The following ABCD3 variants were observed in gnomAD, a reference collection of about 807,000 sequenced individuals.
The protein encoded by ABCD3 is ATP binding cassette subfamily D member 3.
A neutral mutation model predicts 105.5 loss-of-function variants in ABCD3; 41 were observed. The ratio of observed to expected loss-of-function variants is 0.39; its 90% CI spans 0.30 to 0.50. ABCD3 has a LOEUF of 0.50. Ranked by LOEUF, ABCD3 falls within the 20% of genes least tolerant of loss-of-function variation. ABCD3 has a pLI of 0.84. For missense variants in ABCD3, 622 were observed against 806.3 expected, an observed-to-expected ratio of 0.77 and a Z score of 2.77; for synonymous variants, 258 against 269.0, an observed-to-expected ratio of 0.96 and a Z score of 0.40.
At chr1:94,484,308 A>C (rs1006334787) in intron 10 of ABCD3, among the ~76,000 whole-genome samples, 5 of 152,170 alleles carry the variant, frequency 3.3e-5, no homozygotes, top group African/African-American at 9.6e-5. Context: ...AAAGGATTAT[A>C]ATCATGCTGC....
chr1:94,472,729 G>T (rs890844165), intron 4 of ABCD3, among the ~76,000 whole-genome samples: 1 of 152,138 alleles, frequency 6.6e-6, no homozygotes, highest in African/African-American at 2.4e-5. Context: ...TCACAGAAAA[G>T]AAATTATTTC....
At chr1:94,499,650 A>T in intron 20 of ABCD3, 36 bp downstream of exon 20, 1 of 1,611,726 alleles carries the variant, frequency 6.2e-7, no homozygotes, top group East Asian at 2.2e-5. Context: ...CAAGAATGCA[A>T]CTGGTTCCAG....
intron 21 of ABCD3, among the ~76,000 whole-genome samples, chr1:94,509,759 T>G (rs1650568016): frequency 6.6e-6 from 1 of 152,244 alleles, no homozygotes; most frequent in Non-Finnish European, 1.5e-5. Flanking sequence ...CTTCTAGATT[T>G]TCTAGTTTAT....
rs570726520 is a variant in ABCD3 at position 94,491,122 on chromosome 1, T to C, written c.1323-62T>C. On this transcript the variant is annotated intron_variant, in intron 15 of 22. Transcript: ENST00000370214. ...ATCAGGTTATTTGTATTTTTGGTATTGAGTTGTATTAGTTCCTTATATACT... is the reference window on the plus strand; with the variant it reads ...ATCAGGTTATTTGTATTTTTGGTATCGAGTTGTATTAGTTCCTTATATACT... The C allele has an allele frequency of 1.2e-4, 141 of 1,152,194 alleles. No individual in the cohort carries two copies. In the African/African-American group the frequency reaches 1.8e-3, roughly 15 times the overall value. 71.4% of individuals were successfully genotyped at this position (1,152,194 alleles called of 1,614,324 possible).
Position 94,487,690 on chromosome 1 carries a change from T to G in ABCD3, c.968-4T>G. On this transcript the variant is annotated splice_region_variant and splice_polypyrimidine_tract_variant and intron_variant, in intron 11 of 22. Transcript: ENST00000370214. ...TGTTTTAAATCTTACCTGTTTGGTTTCAGACCTTGCCACTGTTGTTGGTTA... is the reference window on the plus strand; with the variant it reads ...TGTTTTAAATCTTACCTGTTTGGTTGCAGACCTTGCCACTGTTGTTGGTTA... 1.2e-6 allele frequency: 2 copies of G among 1,614,040 alleles called. No individual in the cohort carries two copies. The highest frequency in any genetic ancestry group is 1.7e-6 in the Non-Finnish European group (2 of 1,179,932).
rs748607664 is a variant in ABCD3 at position 94,506,638 on chromosome 1, G to A, written c.1841G>A (p.Arg614Gln). ...GAAGGCTACATTTATAGTCATTGTC[G>A]AAAGGTAAGTACGCAGGTGCTCAGT... ...DVEGYIYSHC[R>Q]KVGITLFTVS... The change falls in exon 21 of 23, where the codon CGA (arginine) becomes CAA (glutamine). Residue 614 changes from arginine (R) to glutamine (Q), a missense_variant. Physicochemically the swap from Arg to Gln is conservative, Grantham distance 43. Coordinates refer to ENST00000370214, the MANE Select transcript of ABCD3 (RefSeq NM_002858.4). The A allele has an allele frequency of 8.7e-6, 14 of 1,610,572 alleles. No homozygotes were observed. The highest frequency in any genetic ancestry group is 7.7e-5 in the South Asian group (7 of 91,040).
the ABCD3 span, among the ~76,000 whole-genome samples, chr1:94,403,930 G>T: frequency 6.6e-6 from 1 of 152,104 alleles, no homozygotes; most frequent in Non-Finnish European, 1.5e-5. Context: ...ATTGCTACCA[G>T]ACTTTGTTTC....
At chr1:94,445,049 C>A (rs193089957) in intron 1 of ABCD3, among the ~76,000 whole-genome samples, 1 of 152,342 alleles carries the variant, frequency 6.6e-6, no homozygotes, top group African/African-American at 2.4e-5. Flanking sequence ...CCAGACCCAT[C>A]CCCTTGTTTT....
chr1:94,418,195 C>A (rs1659095836), upstream of ABCD3, among the ~76,000 whole-genome samples: 1 of 152,220 alleles, frequency 6.6e-6, no homozygotes, highest in African/African-American at 2.4e-5. Context: ...AACAGCTCCT[C>A]CGCGCCGCGT....
At position 94,418,490 on chromosome 1, in the gene ABCD3, C is replaced by T; in HGVS notation, c.12C>T (p.Phe4=). Residue 4 remains phenylalanine, a synonymous_variant, in exon 1 of 23, where the codon TTC becomes TTT. Transcript: ENST00000370214. The stretch of plus-strand genomic sequence containing the variant: ...GTACCGGCAGTGCCATGGCGGCCTT[C>T]AGCAAGTACTTGACGGCGCGAAACT... MAA[F]SKYLTARNSS... is the part of the protein sequence containing the mutation. 3 of 1,602,772 alleles carry T rather than the reference C, an allele frequency of 1.9e-6. No homozygotes were observed. The highest frequency in any genetic ancestry group is 2.5e-6 in the Non-Finnish European group (3 of 1,178,456).
chr1:94,450,386 G>A (rs1660532912), intron 1 of ABCD3, among the ~76,000 whole-genome samples: 1 of 152,218 alleles, frequency 6.6e-6, no homozygotes, highest in South Asian at 2.1e-4. Flanking sequence ...ACTGTGACAT[G>A]TTCCTGATGG....
At chr1:94,459,512 C>T (rs1188636145) in intron 2 of ABCD3, among the ~76,000 whole-genome samples, 1 of 152,072 alleles carries the variant, frequency 6.6e-6, no homozygotes, top group Admixed American at 6.6e-5. Flanking sequence ...AATTCTTTAA[C>T]CGTAACTATT....
intron 1 of ABCD3, among the ~76,000 whole-genome samples, chr1:94,439,850 A>G (rs1660068987): frequency 6.6e-6 from 1 of 152,142 alleles, no homozygotes; most frequent in Non-Finnish European, 1.5e-5. Flanking sequence ...GTTTATGTCT[A>G]GCATTGGCTT....
chr1:94,511,125 G>A (rs1014647629), intron 21 of ABCD3, among the ~76,000 whole-genome samples: 9 of 151,948 alleles, frequency 5.9e-5, no homozygotes, highest in African/African-American at 2.2e-4. Flanking sequence ...TGCAGCGGCT[G>A]GTACCAGTTG....
chr1:94,439,524 C>T (rs1028530450), intron 1 of ABCD3, among the ~76,000 whole-genome samples: 1 of 152,006 alleles, frequency 6.6e-6, no homozygotes, highest in African/African-American at 2.4e-5. Context: ...TGCATGTGGT[C>T]CCACCTGCTC....
the ABCD3 span, among the ~76,000 whole-genome samples, chr1:94,410,864 A>G: frequency 6.6e-6 from 1 of 152,342 alleles, no homozygotes; most frequent in East Asian, 1.9e-4. Context: ...TTTGTTTCAT[A>G]TTTAAATTTC....
chr1:94,502,952 C>T (rs1650172621), intron 20 of ABCD3, among the ~76,000 whole-genome samples: 1 of 152,168 alleles, frequency 6.6e-6, no homozygotes. Context: ...ACAAGCTTGT[C>T]CAACCTGTGG....
chr1:94,473,333 A>G (rs1297531480), intron 4 of ABCD3, among the ~76,000 whole-genome samples: 1 of 152,166 alleles, frequency 6.6e-6, no homozygotes, highest in African/African-American at 2.4e-5. Flanking sequence ...ATCCCCATTA[A>G]GTCTGTCTCC....
chr1:94,494,467 A>G (rs1459013335), intron 16 of ABCD3, among the ~76,000 whole-genome samples: 1 of 152,006 alleles, frequency 6.6e-6, no homozygotes, highest in Non-Finnish European at 1.5e-5. Context: ...ATGTCTTTTT[A>G]TTGTTTTTCT....
Sources: gnomAD v4.1 joint callset for allele counts (sites outside exome capture counted in the v4.1 genomes callset) on GRCh38, gnomAD v4.1.1 for gene constraint, MANE v1.5 for transcripts, NCBI Gene and HGNC (gene_info 2026-07-23, HGNC 2026-07-21) for gene names.